Variants in RBFOX1 observed in about 807,000 individuals in gnomAD.
The protein encoded by RBFOX1 is RNA binding fox-1 homolog 1.
RBFOX1 carries 8 observed loss-of-function variants against 57.7 expected under a neutral mutation model. The ratio of observed to expected loss-of-function variants is 0.14; its 90% confidence interval spans 0.08 to 0.25. RBFOX1 has a LOEUF of 0.25. Ranked by LOEUF, RBFOX1 falls within the 10% of genes least tolerant of loss-of-function variation. The pLI, the probability that RBFOX1 is intolerant of heterozygous loss-of-function variation, is 1.00. For missense variants in RBFOX1, 611 were observed against 548.5 expected (o/e 1.11, Z -1.14); for synonymous variants, 326 against 222.4 (o/e 1.47, Z -4.15).
At chr16:5,435,237 T>C (rs913799935) in intron 1 of RBFOX1, among the ~76,000 whole-genome samples, 1 of 152,210 alleles carries the variant, frequency 6.6e-6, no homozygotes, top group African/African-American at 2.4e-5. Context: ...TATGCGTCTA[T>C]GAAGAAAAGG....
At position 6,268,476 on chromosome 16, in the gene RBFOX1, C is replaced by T. The variant is rs184121958; in HGVS notation, c.-126-48519C>T. ...AAATGTGCTTAAAAATGCAGAGGTA[C>T]GCAATCCAGCATAGACCTCCTGAAT... On this transcript the variant is annotated intron_variant, in intron 1 of 15. Transcript: ENST00000550418. Among the ~76,000 whole-genome samples, 287 of 152,228 alleles carry T rather than the reference C, an allele frequency of 1.9e-3. 1 individual carries two copies. Among genetic ancestry groups the T allele is most frequent in the Non-Finnish European group, 2.4e-3 (162 of 68,026 alleles).
chr16:7,467,306 G>T (rs1053134432), intron 4 of RBFOX1, among the ~76,000 whole-genome samples: 1 of 152,142 alleles, frequency 6.6e-6, no homozygotes, highest in Non-Finnish European at 1.5e-5. Flanking sequence ...TATGGCTGTT[G>T]CAGGGGGTCT....
At chr16:5,850,317 A>G (rs2056863604) in intron 3 of RBFOX1, among the ~76,000 whole-genome samples, 1 of 152,244 alleles carries the variant, frequency 6.6e-6, no homozygotes, top group African/African-American at 2.4e-5. Flanking sequence ...GTGACCTTCC[A>G]GAAAGAAAAT....
chr16:5,760,000 A>G (rs989651628), intron 3 of RBFOX1, among the ~76,000 whole-genome samples: 1 of 141,930 alleles, frequency 7.0e-6, no homozygotes, highest in African/African-American at 2.5e-5. Context: ...AAATATCCCC[A>G]CTGGGTTAAA....
intron 1 of RBFOX1, among the ~76,000 whole-genome samples, chr16:5,363,188 A>T (rs1051189487): frequency 6.7e-6 from 1 of 150,094 alleles, no homozygotes; most frequent in African/African-American, 2.5e-5. Context: ...CATGTGCCAC[A>T]GCCCCTGGCT....
At chr16:5,697,287 C>T (rs890680654) in intron 3 of RBFOX1, among the ~76,000 whole-genome samples, 1 of 151,766 alleles carries the variant, frequency 6.6e-6, no homozygotes, top group Non-Finnish European at 1.5e-5. Flanking sequence ...TCTCTCTTTC[C>T]AACCTAAATA....
At chr16:7,137,566 A>G (rs1379649828) in intron 4 of RBFOX1, among the ~76,000 whole-genome samples, 1 of 151,212 alleles carries the variant, frequency 6.6e-6, no homozygotes, top group Admixed American at 6.6e-5. Flanking sequence ...AGTCCATTAA[A>G]CCTCCTTTTC....
intron 2 of RBFOX1, among the ~76,000 whole-genome samples, chr16:6,416,352 A>T (rs1300831117): frequency 2.6e-5 from 4 of 152,168 alleles, no homozygotes; most frequent in Admixed American, 6.5e-5. Context: ...CAAAATATCT[A>T]TTCTTAAACT....
chr16:6,267,640 A>AAGCTTC (rs1296756600), intron 1 of RBFOX1, among the ~76,000 whole-genome samples: 4 of 152,188 alleles, frequency 2.6e-5, no homozygotes, highest in Admixed American at 1.3e-4. Context: ...GAACATCAAC[A>AAGCTTC]AGCTTCAGTG....
intron 1 of RBFOX1, among the ~76,000 whole-genome samples, chr16:6,151,599 T>C (rs930343063): frequency 6.6e-6 from 1 of 152,212 alleles, no homozygotes; most frequent in African/African-American, 2.4e-5. Context: ...AATCAGTCTT[T>C]TATGTCATTC....
chr16:7,246,817 C>A (rs988728431), intron 4 of RBFOX1, among the ~76,000 whole-genome samples: 1 of 152,046 alleles, frequency 6.6e-6, no homozygotes, highest in African/African-American at 2.4e-5. Context: ...GGCTGACTGA[C>A]TGATCAAAGA....
intron 4 of RBFOX1, among the ~76,000 whole-genome samples, chr16:5,962,328 G>A (rs924858874): frequency 3.9e-5 from 6 of 152,128 alleles, no homozygotes; most frequent in African/African-American, 1.4e-4. Context: ...ACCCTGTACT[G>A]CTATCAGGAC....
chr16:5,343,231 A>G (rs1255343650), intron 1 of RBFOX1, among the ~76,000 whole-genome samples: 1 of 151,914 alleles, frequency 6.6e-6, no homozygotes, highest in Non-Finnish European at 1.5e-5. Flanking sequence ...AACCATACCT[A>G]AAGTCCTACT....
At chr16:5,909,829 A>C (rs888485081) in intron 4 of RBFOX1, among the ~76,000 whole-genome samples, 1 of 152,144 alleles carries the variant, frequency 6.6e-6, no homozygotes, top group East Asian at 1.9e-4. Flanking sequence ...CGGCGGGCAG[A>C]TCACTTGAGG....
At chr16:6,518,823 C>A (rs1001125524) in intron 2 of RBFOX1, among the ~76,000 whole-genome samples, 3 of 122,670 alleles carry the variant, frequency 2.4e-5, no homozygotes, top group Non-Finnish European at 3.5e-5. Context: ...ATCTATCTAT[C>A]TATCTATCTA....
chr16:5,768,066 C>T (rs567660305), intron 3 of RBFOX1, among the ~76,000 whole-genome samples: 2 of 152,122 alleles, frequency 1.3e-5, no homozygotes, highest in South Asian at 2.1e-4. Flanking sequence ...TTTCTATTTC[C>T]AAGAGTAGAC....
intron 1 of RBFOX1, among the ~76,000 whole-genome samples, chr16:5,243,477 C>G (rs1446469375): frequency 3.3e-5 from 5 of 152,114 alleles, no homozygotes; most frequent in African/African-American, 1.2e-4. Flanking sequence ...CGTCACAACA[C>G]TTGGGGTGAG....
chr16:6,004,748 T>C (rs2060663498), intron 4 of RBFOX1, among the ~76,000 whole-genome samples: 1 of 152,216 alleles, frequency 6.6e-6, no homozygotes, highest in South Asian at 2.1e-4. Flanking sequence ...ATTGTTCTAA[T>C]AAGCTTTATT....
intron 3 of RBFOX1, among the ~76,000 whole-genome samples, chr16:5,730,166 T>G (rs766882997): frequency 6.6e-6 from 1 of 152,230 alleles, no homozygotes; most frequent in Non-Finnish European, 1.5e-5. Context: ...AAGATTATAA[T>G]GTTCATTGAA....
Sources: allele counts gnomAD v4.1 joint callset (sites outside exome capture counted in the v4.1 genomes callset), GRCh38; gene constraint gnomAD v4.1.1; transcripts MANE v1.5; gene names NCBI Gene and HGNC (gene_info 2026-07-23, HGNC 2026-07-21).